Variants in SORL1 observed in about 807,000 individuals in gnomAD.
SORL1 encodes sortilin-related receptor.
In SORL1, 127 loss-of-function variants were observed where a neutral mutation model predicts 273.7. The observed-to-expected ratio is 0.46, with a 90% CI of 0.40 to 0.54. The LOEUF is 0.54. SORL1 is among the 20% of genes least tolerant of loss of function. SORL1 has a pLI of 0.00. For missense variants in SORL1, 2,494 were observed against 2,846.1 expected (o/e 0.88, Z 2.81); for synonymous variants, 1,031 against 1,067.4 (o/e 0.97, Z 0.66).
chr11:121,478,208 G>C lies in SORL1; in HGVS notation c.493G>C (p.Ala165Pro). 2 of 1,614,066 alleles carry C rather than the reference G, an allele frequency of 1.2e-6. No homozygotes were observed. The highest frequency in any genetic ancestry group is 1.7e-6 in the Non-Finnish European group (2 of 1,180,006). ...GGGAAATAGGAGTGAAGCTGTTATC[G>C]CCCAGTTCTACCACAGCCCTGCGGA... ...GLGNRSEAVI[A>P]QFYHSPADNK... is the part of the protein sequence containing the mutation. The change falls in exon 3 of 48, where the codon GCC becomes CCC. Residue 165 changes from alanine to proline, a missense_variant. Physicochemically the swap from Ala to Pro is conservative, Grantham distance 27. Around this residue, in one of 3 missense-constraint regions of SORL1, gnomAD observed 710 missense variants for 882.5 expected, o/e 0.80. Coordinates refer to ENST00000260197, the MANE Select transcript of SORL1 (RefSeq NM_003105.6).
chr11:121,482,022 C>T (rs1260065338), intron 3 of SORL1, among the ~76,000 whole-genome samples: 1 of 152,208 alleles, frequency 6.6e-6, no homozygotes, highest in Admixed American at 6.5e-5. Context: ...TTCCATAGTA[C>T]ACAGATGCCT....
chr11:121,619,688 A>G, intron 42 of SORL1, 65 bp from the exon 43 acceptor site: 1 of 1,204,456 alleles, frequency 8.3e-7, no homozygotes, highest in East Asian at 2.6e-5. Context: ...TTGAAAAAAT[A>G]CTTTAATAAA....
chr11:121,625,247 GC>G lies in SORL1; in HGVS notation c.6336del (p.Ile2113SerfsTer34). ...LFGNQICGEP[A>X]ILLYDELGSG... ...TGGCAACCAGATCTGTGGGGAGCCT[GC>G]CATCCTGCTGTACGATGAGCTGGGG... On this transcript the variant is annotated frameshift_variant, in exon 46 of 48. Transcript: ENST00000260197. LOFTEE classifies it high-confidence loss of function. 1 of 1,613,844 alleles carries G rather than the reference GC, an allele frequency of 6.2e-7. No individual in the cohort carries two copies. Among genetic ancestry groups the G allele is most frequent in the African/African-American group, 1.3e-5 (1 of 75,034 alleles).
chr11:121,612,869 G>T, intron 40 of SORL1, 37 bp downstream of exon 40: 2 of 1,477,976 alleles, frequency 1.4e-6, no homozygotes, highest in East Asian at 2.3e-5. Flanking sequence ...TGTGCAGGAA[G>T]GGGTAAGGCT....
At chr11:121,527,541 C>CT (rs1280936303) in intron 11 of SORL1, among the ~76,000 whole-genome samples, 1 of 152,016 alleles carries the variant, frequency 6.6e-6, no homozygotes, top group African/African-American at 2.4e-5. Flanking sequence ...CCCTCTTCCT[C>CT]TTTTTTAGGA....
intron 19 of SORL1, among the ~76,000 whole-genome samples, chr11:121,557,606 C>T (rs934233526): frequency 3.9e-4 from 59 of 152,290 alleles, no homozygotes; most frequent in African/African-American, 1.3e-3. Context: ...GTGTCAGAGT[C>T]TCTTTAGGCA....
chr11:121,562,255 A>G (rs1482506500), intron 21 of SORL1, among the ~76,000 whole-genome samples: 2 of 152,036 alleles, frequency 1.3e-5, no homozygotes, highest in Non-Finnish European at 1.5e-5. Context: ...TTATTTTAAA[A>G]CAGGTGACTC....
At chr11:121,497,553 G>C (rs1359271419) in intron 6 of SORL1, among the ~76,000 whole-genome samples, 4 of 152,232 alleles carry the variant, frequency 2.6e-5, no homozygotes, top group Non-Finnish European at 5.9e-5. Flanking sequence ...GCTTCCAGCT[G>C]TCAGTAAGTA....
chr11:121,607,783 G>T lies in SORL1; in HGVS notation c.5167-321G>T, dbSNP rs369444923. ...GACTCTCACACTGATAATTTTGTCAGTACCCTTTTTGTATATGTGTGTATT... is the reference window on the plus strand; with the variant it reads ...GACTCTCACACTGATAATTTTGTCATTACCCTTTTTGTATATGTGTGTATT... On this transcript the variant is annotated intron_variant, in intron 37 of 47. Transcript: ENST00000260197. Among the ~76,000 whole-genome samples the T allele has an allele frequency of 5.9e-5, 9 of 152,256 alleles. No individual in the cohort carries two copies. The East Asian group carries it at 1.5e-3, about 26-fold the overall frequency.
At chr11:121,503,549 C>A (rs2134831753) in intron 6 of SORL1, among the ~76,000 whole-genome samples, 1 of 151,966 alleles carries the variant, frequency 6.6e-6, no homozygotes, top group Non-Finnish European at 1.5e-5. Context: ...AATATAGTGG[C>A]ATGGTCATGG....
chr11:121,524,056 T>C (rs1056230738), intron 11 of SORL1, among the ~76,000 whole-genome samples: 5 of 152,336 alleles, frequency 3.3e-5, no homozygotes, highest in Admixed American at 2.6e-4. Flanking sequence ...CACTGTGTAC[T>C]GTATGTGGTG....
At chr11:121,628,722 C>T (rs966978704) in intron 47 of SORL1, 2 of 152,220 alleles carry the variant, frequency 1.3e-5, no homozygotes, top group African/African-American at 4.8e-5. Context: ...TACGAGGCTT[C>T]CCCAAACTTA....
At chr11:121,561,690 G>A (rs1424875318) in intron 21 of SORL1, among the ~76,000 whole-genome samples, 91 of 109,886 alleles carry the variant, frequency 8.3e-4, no homozygotes, top group African/African-American at 7.5e-4. Flanking sequence ...CCCTGTCACC[G>A]AAAAAAAAAA....
chr11:121,590,715 C>T (rs1254810859), intron 30 of SORL1: 1 of 665,712 alleles, frequency 1.5e-6, no homozygotes, highest in Non-Finnish European at 2.7e-6. Context: ...CCTCAGCCAC[C>T]TGTTTCTTTC....
chr11:121,562,959 T>C (rs867350821), intron 21 of SORL1, among the ~76,000 whole-genome samples: 14 of 152,342 alleles, frequency 9.2e-5, no homozygotes, highest in African/African-American at 3.4e-4. Context: ...AACCAAGTGT[T>C]AAATAATAAT....
chr11:121,620,616 G>C (rs10750192), intron 43 of SORL1, among the ~76,000 whole-genome samples: 81,562 of 151,370 alleles, frequency 0.54, 22,279 homozygotes, highest in East Asian at 0.78. Flanking sequence ...TTTTCCCCTT[G>C]CCCCCCTATA....
intron 44 of SORL1, 134 bp downstream of exon 44, chr11:121,621,372 CA>C: frequency 1.3e-6 from 1 of 787,802 alleles, no homozygotes; most frequent in South Asian, 1.8e-5. Context: ...AATATTCCTA[CA>C]GGGGCAGAGT....
chr11:121,617,284 C>T (rs1277735974), intron 41 of SORL1, among the ~76,000 whole-genome samples: 3 of 152,188 alleles, frequency 2.0e-5, no homozygotes, highest in East Asian at 3.8e-4. Context: ...CCACAAAGGA[C>T]AGCTTTTCAG....
At chr11:121,517,307 G>C (rs893998592) in intron 8 of SORL1, among the ~76,000 whole-genome samples, 1 of 152,118 alleles carries the variant, frequency 6.6e-6, no homozygotes, top group Non-Finnish European at 1.5e-5. Context: ...TATTTTACAG[G>C]ATGTTTCATA....
Sources: gnomAD v4.1 joint callset for allele counts (sites outside exome capture counted in the v4.1 genomes callset) on GRCh38, gnomAD v4.1.1 for gene constraint, gnomAD v4.1.1 regional missense constraint, MANE v1.5 for transcripts, NCBI Gene and HGNC (gene_info 2026-07-23, HGNC 2026-07-21) for gene names.